The following VTI1A variants were observed in gnomAD, a reference collection of about 807,000 sequenced individuals.
The protein encoded by VTI1A is vesicle transport through interaction with t-SNAREs 1A.
In VTI1A, 22 loss-of-function variants were observed where a neutral mutation model predicts 34.9. The observed-to-expected ratio is 0.63, with a 90% CI of 0.45 to 0.90. The LOEUF is 0.90. Ranked by LOEUF, VTI1A falls within the 40% of genes least tolerant of loss-of-function variation. VTI1A has a pLI of 0.00. For missense variants in VTI1A, 268 were observed against 275.6 expected (o/e 0.97, Z 0.20); for synonymous variants, 87 against 97.3 (o/e 0.89, Z 0.62).
chr10:112,735,573 T>A (rs1307281545), intron 7 of VTI1A, among the ~76,000 whole-genome samples: 1 of 152,222 alleles, frequency 6.6e-6, no homozygotes, highest in Admixed American at 6.5e-5. Flanking sequence ...ACACCAGCCA[T>A]CCACAAGTTA....
intron 7 of VTI1A, among the ~76,000 whole-genome samples, chr10:112,775,274 G>A (rs1393032287): frequency 6.6e-6 from 1 of 152,192 alleles, no homozygotes; most frequent in African/African-American, 2.4e-5. Context: ...GTAGCAAATA[G>A]GTTCCAAGAG....
At chr10:112,839,331 G>A in the VTI1A span, among the ~76,000 whole-genome samples, 87 of 152,268 alleles carry the variant, frequency 5.7e-4, no homozygotes, top group African/African-American at 2.0e-3. Context: ...GTGGGGTCCC[G>A]GCCTGCAGGG....
chr10:112,608,937 G>A (rs544074135), intron 5 of VTI1A, among the ~76,000 whole-genome samples: 1 of 152,106 alleles, frequency 6.6e-6, no homozygotes, highest in African/African-American at 2.4e-5. Context: ...ATCATGAGAT[G>A]TAGCAGCTTT....
At chr10:112,780,785 C>G (rs777710719) in intron 7 of VTI1A, among the ~76,000 whole-genome samples, 4 of 152,030 alleles carry the variant, frequency 2.6e-5, no homozygotes, top group Admixed American at 6.6e-5. Context: ...GCCTCTGTTT[C>G]CTCTTCAGCT....
At chr10:112,657,828 T>TGG (rs1211298767) in intron 5 of VTI1A, among the ~76,000 whole-genome samples, 4 of 152,100 alleles carry the variant, frequency 2.6e-5, no homozygotes, top group Non-Finnish European at 5.9e-5. Context: ...TGTTTGTGTG[T>TGG]GTATATATAT....
intron 7 of VTI1A, among the ~76,000 whole-genome samples, chr10:112,697,399 CTTTTT>C (rs57723783): frequency 8.8e-6 from 1 of 114,044 alleles, no homozygotes; most frequent in Non-Finnish European, 1.7e-5. Context: ...CTTTTCTTTT[CTTTTT>C]TTTTTTTTTT....
chr10:112,815,034 C>A (rs572992666), intron 7 of VTI1A, among the ~76,000 whole-genome samples: 2 of 151,946 alleles, frequency 1.3e-5, no homozygotes, highest in Non-Finnish European at 2.9e-5. Flanking sequence ...CTTAGCTTTG[C>A]AGTAAGCATT....
At chr10:112,464,714 C>A in intron 3 of VTI1A, 57 bp downstream of exon 3, 8 of 1,449,620 alleles carry the variant, frequency 5.5e-6, no homozygotes, top group Non-Finnish European at 7.6e-6. Flanking sequence ...GTTTCCTCCT[C>A]ATGCCTCAGT....
At chr10:112,744,535 C>G (rs1249350070) in intron 7 of VTI1A, among the ~76,000 whole-genome samples, 1 of 148,242 alleles carries the variant, frequency 6.7e-6, no homozygotes, top group African/African-American at 2.5e-5. Context: ...GCCTTGGCCT[C>G]TCAGGCTCAA....
chr10:112,827,197 AT>A, the VTI1A span: 2 of 152,256 alleles, frequency 1.3e-5, no homozygotes, highest in Non-Finnish European at 2.9e-5. Context: ...ACATAGTCAC[AT>A]TAAACTGAGA....
intron 7 of VTI1A, among the ~76,000 whole-genome samples, chr10:112,800,679 A>G (rs1282651247): frequency 6.6e-6 from 1 of 152,192 alleles, no homozygotes; most frequent in Non-Finnish European, 1.5e-5. Flanking sequence ...GAGCGTGCCA[A>G]TTCCTTATAT....
chr10:112,798,742 A>C (rs1470083767), intron 7 of VTI1A, among the ~76,000 whole-genome samples: 1 of 152,220 alleles, frequency 6.6e-6, no homozygotes, highest in Non-Finnish European at 1.5e-5. Flanking sequence ...AAACTGAGGC[A>C]CTATTTGTTC....
intron 7 of VTI1A, among the ~76,000 whole-genome samples, chr10:112,704,409 T>G (rs1275075150): frequency 6.6e-6 from 1 of 152,208 alleles, no homozygotes; most frequent in Non-Finnish European, 1.5e-5. Flanking sequence ...GGACAATATG[T>G]TATTTTCAAA....
At chr10:112,811,683 CAAAAAAAAAAAAAA>C (rs869030543) in intron 7 of VTI1A, among the ~76,000 whole-genome samples, 1 of 11,826 alleles carries the variant, frequency 8.5e-5, no homozygotes, top group Non-Finnish European at 1.5e-4. Context: ...GACTCCGTCT[CAAAAAAAAAAAAAA>C]AAAAAAAAAA....
intron 5 of VTI1A, among the ~76,000 whole-genome samples, chr10:112,605,501 A>G (rs1028555462): frequency 2.6e-5 from 4 of 152,150 alleles, no homozygotes; most frequent in Non-Finnish European, 5.9e-5. Flanking sequence ...TTTCAATTCC[A>G]TGGATTCGCC....
At chr10:112,834,228 C>T in the VTI1A span, among the ~76,000 whole-genome samples, 1 of 152,282 alleles carries the variant, frequency 6.6e-6, no homozygotes, top group East Asian at 1.9e-4. Flanking sequence ...CCAGCCCACA[C>T]CCCCGCCCCA....
intron 3 of VTI1A, among the ~76,000 whole-genome samples, chr10:112,510,008 G>A (rs149469200): frequency 2.0e-5 from 3 of 152,216 alleles, no homozygotes; most frequent in African/African-American, 4.8e-5. Context: ...TTTATAGAAC[G>A]CCAAAATCTT....
intron 3 of VTI1A, among the ~76,000 whole-genome samples, chr10:112,500,227 G>T (rs1014623112): frequency 6.6e-6 from 1 of 152,118 alleles, no homozygotes; most frequent in Non-Finnish European, 1.5e-5. Context: ...ATGAGGTCAA[G>T]AGATCAAGAC....
At position 112,700,126 on chromosome 10, in the gene VTI1A, A is replaced by C. The variant is rs550908838; in HGVS notation, c.560+31128A>C. Among the ~76,000 whole-genome samples the C allele has an allele frequency of 1.0e-4, 14 of 140,286 alleles. No individual in the cohort carries two copies. In the East Asian group the frequency reaches 1.4e-3, roughly 14 times the overall value. 92.0% of individuals were successfully genotyped at this position (140,286 alleles called of 152,430 possible). The stretch of plus-strand genomic sequence containing the variant: ...GAGCGAGACTCCATCTCAAAAAAAA[A>C]AAAAAAAAACAAAACAAAAAAAAAA... On this transcript the variant is annotated intron_variant, in intron 7 of 7. Coordinates refer to ENST00000393077, the MANE Select transcript of VTI1A (RefSeq NM_145206.4).
Sources: allele counts gnomAD v4.1 joint callset (sites outside exome capture counted in the v4.1 genomes callset), GRCh38; gene constraint gnomAD v4.1.1; transcripts MANE v1.5; gene names NCBI Gene and HGNC (gene_info 2026-07-23, HGNC 2026-07-21).